RAD18: variants seen among roughly 807,000 people sequenced by gnomAD.
RAD18 encodes the protein E3 ubiquitin-protein ligase RAD18.
A neutral mutation model predicts 60.4 loss-of-function variants in RAD18; 47 were observed. The ratio of observed to expected loss-of-function variants is 0.78; its 90% CI spans 0.62 to 0.99. The LOEUF (loss-of-function observed/expected upper bound fraction) is 0.99, where lower values mean the gene tolerates loss of function less well. Ranked by LOEUF, RAD18 falls within the 50% of genes least tolerant of loss-of-function variation. The probability of loss-of-function intolerance (pLI) is 0.00; values close to 1 mark genes in which losing one functional copy is unlikely to be tolerated. For synonymous variants in RAD18, 225 were observed against 195.5 expected (o/e 1.15, Z -1.26); for missense variants, 640 against 593.3 (o/e 1.08, Z -0.82).
intron 7 of RAD18, among the ~76,000 whole-genome samples, chr3:8,922,190 A>G (rs934436347): frequency 4.6e-5 from 7 of 152,328 alleles, no homozygotes; most frequent in Admixed American, 4.6e-4. Flanking sequence ...TTTCCTAGCC[A>G]AGGAAAGGGA....
chr3:8,889,814 G>C (rs1329536655), intron 12 of RAD18, among the ~76,000 whole-genome samples: 1 of 152,182 alleles, frequency 6.6e-6, no homozygotes, highest in Non-Finnish European at 1.5e-5. Context: ...AAGATTTTTA[G>C]AGCAGAGGGA....
Position 8,936,052 on chromosome 3 carries a change from A to C in RAD18, c.708T>G (p.Ser236=). 1 of 1,545,566 alleles carries C rather than the reference A, an allele frequency of 6.5e-7. No individual in the cohort carries two copies. The highest frequency in any genetic ancestry group is 8.7e-7 in the Non-Finnish European group (1 of 1,146,650). Reference sequence around the variant, plus strand: ...TGGGCAGCGGCTTCCTTTTGTGAACAGAACTGAAAAGGGGGGAAGATACCT... The same window carrying C: ...TGGGCAGCGGCTTCCTTTTGTGAACCGAACTGAAAAGGGGGGAAGATACCT... ...REEKKESLRS[S]VHKRKPLPKT... is the part of the protein sequence containing the mutation. Residue 236 remains serine, a synonymous_variant, in exon 7 of 13, where the codon TCT becomes TCG. Transcript: ENST00000264926.
At chr3:8,929,163 C>CT (rs1559784669) in intron 7 of RAD18, among the ~76,000 whole-genome samples, 1 of 151,630 alleles carries the variant, frequency 6.6e-6, no homozygotes, top group Non-Finnish European at 1.5e-5. Context: ...AAACTTCCAC[C>CT]ATAATAAGCT....
At chr3:8,881,486 C>G (rs1363985066) in intron 12 of RAD18, 27 bp from the exon 13 acceptor site, 1 of 1,527,050 alleles carries the variant, frequency 6.5e-7, no homozygotes, top group East Asian at 2.3e-5. Context: ...GAAATGACAT[C>G]TTGGAAAGTA....
Position 8,899,005 on chromosome 3 carries a change from T to C in RAD18, c.1211A>G (p.Gln404Arg), listed in dbSNP as rs1939854070. The stretch of plus-strand genomic sequence containing the variant: ...TTCCTCTGGGGAGTCCAGCTTTGAT[T>C]GAGAAAAGTGGTTTGTTACTGAGGT... ...NMTSVTNHFS[Q>R]SKLDSPEELE... is the part of the protein sequence containing the mutation. The change falls in exon 11 of 13, where the codon CAA becomes CGA. Residue 404 changes from glutamine (Q) to arginine (R), a missense_variant. By Grantham distance (43) the Gln-to-Arg change is conservative. Coordinates refer to ENST00000264926, the MANE Select transcript of RAD18 (RefSeq NM_020165.4). The C allele has an allele frequency of 6.3e-7, 1 of 1,598,580 alleles. No homozygotes were observed. Among genetic ancestry groups the C allele is most frequent in the South Asian group, 1.1e-5 (1 of 89,814 alleles).
intron 12 of RAD18, among the ~76,000 whole-genome samples, chr3:8,887,347 G>C (rs1939586162): frequency 6.6e-6 from 1 of 152,146 alleles, no homozygotes; most frequent in East Asian, 1.9e-4. Context: ...TGAACAGTGG[G>C]GAGGACTATG....
chr3:8,940,544 C>T (rs7641235), intron 5 of RAD18, among the ~76,000 whole-genome samples: 39,805 of 152,140 alleles, frequency 0.26, 8,200 homozygotes, highest in African/African-American at 0.58. Flanking sequence ...CTCTGCACTA[C>T]GTGTGGTATG....
At chr3:8,882,255 G>A (rs1406470963) in intron 12 of RAD18, among the ~76,000 whole-genome samples, 2 of 152,200 alleles carry the variant, frequency 1.3e-5, no homozygotes, top group Non-Finnish European at 2.9e-5. Context: ...ATGGCCTCTG[G>A]GGAAGGAACA....
chr3:8,909,942 G>A (rs1265726761), intron 9 of RAD18, among the ~76,000 whole-genome samples: 2 of 152,188 alleles, frequency 1.3e-5, no homozygotes, highest in Non-Finnish European at 2.9e-5. Flanking sequence ...TGCATACACC[G>A]TTTCTCAGGA....
Position 8,902,387 on chromosome 3 carries a change from T to C in RAD18, c.1161A>G (p.Val387=), listed in dbSNP as rs372355537. 5 of 1,594,756 alleles carry C rather than the reference T, an allele frequency of 3.1e-6. No homozygotes were observed. The highest frequency in any genetic ancestry group is 1.4e-5 in the African/African-American group (1 of 73,530). The part of the protein sequence containing the change: ...EDESTEKLSS[V]CMGQEDNMTS... ...TTAATTATAGTCTCTTACCCATGCA[T>C]ACAGAAGATAGCTTTTCTGTAGATT... Residue 387 remains valine (V), a synonymous_variant, in exon 10 of 13, where the codon GTA becomes GTG. Transcript: ENST00000264926.
intron 6 of RAD18, among the ~76,000 whole-genome samples, chr3:8,938,445 C>A (rs1264566501): frequency 6.6e-6 from 1 of 152,168 alleles, no homozygotes; most frequent in Non-Finnish European, 1.5e-5. Context: ...TTGGAAAATA[C>A]TCTTCAAAGT....
chr3:8,899,335 T>C (rs1939859083), intron 10 of RAD18, among the ~76,000 whole-genome samples: 1 of 152,162 alleles, frequency 6.6e-6, no homozygotes, highest in Non-Finnish European at 1.5e-5. Context: ...TCTATTAACA[T>C]ATCACTAAGG....
At chr3:8,926,758 A>T (rs1263735842) in intron 7 of RAD18, among the ~76,000 whole-genome samples, 1 of 152,220 alleles carries the variant, frequency 6.6e-6, no homozygotes, top group Non-Finnish European at 1.5e-5. Context: ...AATGCCGCAT[A>T]TCTACGACTA....
At chr3:8,884,965 T>C (rs138260459) in intron 12 of RAD18, among the ~76,000 whole-genome samples, 1 of 152,346 alleles carries the variant, frequency 6.6e-6, no homozygotes, top group Non-Finnish European at 1.5e-5. Flanking sequence ...TTAGTAAAAT[T>C]TGACAATAGC....
chr3:8,961,334 G>C (rs1941092340), intron 1 of RAD18, among the ~76,000 whole-genome samples: 1 of 152,208 alleles, frequency 6.6e-6, no homozygotes, highest in African/African-American at 2.4e-5. Flanking sequence ...GAAAGTGAAA[G>C]GGAGAAGTAG....
At chr3:8,886,347 G>A (rs1251854847) in intron 12 of RAD18, among the ~76,000 whole-genome samples, 1 of 152,174 alleles carries the variant, frequency 6.6e-6, no homozygotes, top group Non-Finnish European at 1.5e-5. Flanking sequence ...TGCTGTCATG[G>A]CCAGGGACTG....
At chr3:8,922,445 CA>C (rs1260377133) in intron 7 of RAD18, among the ~76,000 whole-genome samples, 1 of 152,224 alleles carries the variant, frequency 6.6e-6, no homozygotes, top group Non-Finnish European at 1.5e-5. Flanking sequence ...GAGCCCACCA[CA>C]GCTCAAGGAG....
chr3:8,921,932 T>C (rs1023426721), intron 7 of RAD18, among the ~76,000 whole-genome samples: 13 of 152,174 alleles, frequency 8.5e-5, no homozygotes, highest in Admixed American at 6.5e-4. Flanking sequence ...ATGACAAAAA[T>C]AGTACAAAGA....
intron 2 of RAD18, among the ~76,000 whole-genome samples, chr3:8,958,495 G>C (rs1941046092): frequency 1.3e-5 from 2 of 152,336 alleles, no homozygotes; most frequent in Admixed American, 1.3e-4. Context: ...AATAAAGTCA[G>C]TGGTAGAATT....
Sources: allele counts gnomAD v4.1 joint callset (sites outside exome capture counted in the v4.1 genomes callset), GRCh38; gene constraint gnomAD v4.1.1; transcripts MANE v1.5; gene names NCBI Gene and HGNC (gene_info 2026-07-23, HGNC 2026-07-21).